Variants in RUNX1T1 observed in about 807,000 individuals in gnomAD.
RUNX1T1 encodes protein CBFA2T1.
In RUNX1T1, 4 loss-of-function variants were observed where a neutral mutation model predicts 62.8. The observed-to-expected ratio is 0.06, with a 90% CI of 0.03 to 0.15. The LOEUF (loss-of-function observed/expected upper bound fraction) is 0.15. RUNX1T1 is among the 10% of genes least tolerant of loss of function. The probability of loss-of-function intolerance (pLI) is 1.00; values close to 1 mark genes in which losing one functional copy is unlikely to be tolerated. For synonymous variants in RUNX1T1, 291 were observed against 286.0 expected, an observed-to-expected ratio of 1.02 and a Z score of -0.18; for missense variants, 508 against 754.3, an observed-to-expected ratio of 0.67 and a Z score of 3.82.
chr8:91,980,095 A>G (rs1814890376), intron 8 of RUNX1T1, among the ~76,000 whole-genome samples: 1 of 152,196 alleles, frequency 6.6e-6, no homozygotes, highest in African/African-American at 2.4e-5. Flanking sequence ...AATCCAACCT[A>G]GAAGCTAGCA....
rs530703873 is a variant in RUNX1T1, at chr8:92,025,539, G to A, written c.8-8176C>T. Among the ~76,000 whole-genome samples the A allele has an allele frequency of 4.6e-5, 7 of 152,260 alleles. No individual in the cohort carries two copies. The South Asian group carries it at 1.5e-3, about 32-fold the overall frequency. On this transcript the variant is annotated intron_variant, in intron 1 of 10. Transcript: ENST00000396218. The stretch of plus-strand genomic sequence containing the variant: ...CATTCCTTTAAAACTTCCTTCAGGT[G>A]TCACTTCAGCCAGAAACCTTTTGCT...
At chr8:92,032,304 T>C (rs1181377492) in intron 1 of RUNX1T1, among the ~76,000 whole-genome samples, 1 of 152,034 alleles carries the variant, frequency 6.6e-6, no homozygotes, top group Non-Finnish European at 1.5e-5. Context: ...AATTCAGTAA[T>C]TCCCAAGCAA....
intron 1 of RUNX1T1, among the ~76,000 whole-genome samples, chr8:92,090,606 A>C (rs1316893035): frequency 6.6e-6 from 1 of 152,238 alleles, no homozygotes; most frequent in African/African-American, 2.4e-5. Flanking sequence ...GTCAGCTAGA[A>C]GCCAACTCTG....
At chr8:92,056,973 A>G (rs1004307932) in intron 1 of RUNX1T1, among the ~76,000 whole-genome samples, 1 of 152,100 alleles carries the variant, frequency 6.6e-6, no homozygotes, top group African/African-American at 2.4e-5. Flanking sequence ...GAGTAAATTT[A>G]TGATTTCTTT....
intron 1 of RUNX1T1, among the ~76,000 whole-genome samples, chr8:92,054,815 GA>G: frequency 6.6e-6 from 1 of 152,136 alleles, no homozygotes; most frequent in Admixed American, 6.6e-5. Context: ...CCAACATGGT[GA>G]AACCCCCTCT....
intron 8 of RUNX1T1, among the ~76,000 whole-genome samples, chr8:91,978,872 T>C (rs1814567518): frequency 6.6e-6 from 1 of 152,206 alleles, no homozygotes; most frequent in Non-Finnish European, 1.5e-5. Flanking sequence ...CCTAAATTTC[T>C]CACTGACATA....
chr8:92,038,151 C>T (rs2131372452), intron 1 of RUNX1T1, among the ~76,000 whole-genome samples: 1 of 152,186 alleles, frequency 6.6e-6, no homozygotes, highest in South Asian at 2.1e-4. Flanking sequence ...CACCCTCAAC[C>T]TCAACCTCCC....
At chr8:92,097,488 T>C (rs1333332988) in intron 1 of RUNX1T1, among the ~76,000 whole-genome samples, 1 of 152,174 alleles carries the variant, frequency 6.6e-6, no homozygotes, top group Non-Finnish European at 1.5e-5. Context: ...GCATTTTAGT[T>C]AGATCAGCTT....
chr8:92,060,884 T>A (rs941743220), intron 1 of RUNX1T1, among the ~76,000 whole-genome samples: 3 of 151,830 alleles, frequency 2.0e-5, no homozygotes, highest in Admixed American at 6.6e-5. Flanking sequence ...GTTAATATAT[T>A]CTATGTATCC....
intron 5 of RUNX1T1, among the ~76,000 whole-genome samples, chr8:91,996,351 G>A (rs1047209720): frequency 1.1e-4 from 16 of 152,072 alleles, no homozygotes; most frequent in East Asian, 5.8e-4. Context: ...ACAGGCGCCC[G>A]CCACCACGCC....
chr8:92,064,907 A>C (rs143264621), upstream of RUNX1T1, among the ~76,000 whole-genome samples: 1 of 152,188 alleles, frequency 6.6e-6, no homozygotes. Flanking sequence ...ATCTGACTAC[A>C]GTAATTGCCA....
At chr8:91,961,782 C>G (rs1586686666) in intron 10 of RUNX1T1, among the ~76,000 whole-genome samples, 2 of 152,334 alleles carry the variant, frequency 1.3e-5, no homozygotes, top group East Asian at 3.9e-4. Context: ...AGCTTTATGT[C>G]ATTCAACTTT....
Position 92,013,283 on chromosome 8 carries a change from G to A in RUNX1T1, c.387+1296C>T, listed in dbSNP as rs529649627. 5.3e-5 allele frequency among the ~76,000 whole-genome samples: 8 copies of A among 152,318 alleles called. No individual in the cohort carries two copies. In the South Asian group the frequency reaches 1.7e-3, roughly 32 times the overall value. ...TTTGTGAAAATCACCTTCCTGTCTTGGAAGTTTATGAGGTGGAGCTGATGG... is the reference window on the plus strand; with the variant it reads ...TTTGTGAAAATCACCTTCCTGTCTTAGAAGTTTATGAGGTGGAGCTGATGG... On this transcript the variant is annotated intron_variant, in intron 3 of 10. Transcript: ENST00000396218.
At chr8:92,095,245 G>C (rs2130934406) in intron 1 of RUNX1T1, 3 of 1,521,992 alleles carry the variant, frequency 2.0e-6, no homozygotes, top group South Asian at 1.2e-5. Flanking sequence ...CATTTGGAAA[G>C]GGAGAGAGGG....
intron 6 of RUNX1T1, 98 bp downstream of exon 7, chr8:91,991,541 C>T: frequency 2.4e-6 from 3 of 1,274,096 alleles, no homozygotes; most frequent in Non-Finnish European, 3.3e-6. Context: ...ATCTTCATCC[C>T]TATCACAGAT....
chr8:92,075,815 A>C, intron 2 of RUNX1T1, 150 bp downstream of exon 2: 1 of 693,422 alleles, frequency 1.4e-6, no homozygotes, highest in East Asian at 3.0e-5. Flanking sequence ...AAAGATTTCA[A>C]AGACAAATGT....
intron 1 of RUNX1T1, among the ~76,000 whole-genome samples, chr8:92,029,234 T>C (rs1052271819): frequency 2.0e-5 from 3 of 152,170 alleles, no homozygotes; most frequent in African/African-American, 7.2e-5. Flanking sequence ...TTATAGGCAA[T>C]GAAAAGGCAC....
intron 1 of RUNX1T1, chr8:92,019,191 G>A (rs1425967424): frequency 6.6e-6 from 1 of 152,092 alleles, no homozygotes; most frequent in Non-Finnish European, 1.5e-5. Context: ...TGAGGGAAGA[G>A]GTACAGCAGC....
exon 7 of RUNX1T1, chr8:91,986,888 T>C (rs772060665): frequency 1.3e-6 from 2 of 1,583,646 alleles, no homozygotes; most frequent in Non-Finnish European, 8.7e-7. Flanking sequence ...ATGTCTTACA[T>C]GGTCAAGATG....
Sources: gnomAD v4.1 joint callset for allele counts (sites outside exome capture counted in the v4.1 genomes callset) on GRCh38, gnomAD v4.1.1 for gene constraint, MANE v1.5 for transcripts, NCBI Gene and HGNC (gene_info 2026-07-23, HGNC 2026-07-21) for gene names.